The following ANKRD36 variants were observed in gnomAD, a reference collection of about 807,000 sequenced individuals.
ANKRD36 encodes the protein ankyrin repeat domain-containing protein 36A.
ANKRD36 carries 179 observed loss-of-function variants against 278.1 expected under a neutral mutation model. That is an observed-to-expected ratio of 0.64 (90% confidence interval 0.57 to 0.73). The LOEUF (loss-of-function observed/expected upper bound fraction) is 0.73, where lower values mean the gene tolerates loss of function less well. ANKRD36 is among the 30% of genes least tolerant of loss of function. The probability of loss-of-function intolerance (pLI) is 0.00; values close to 1 mark genes in which losing one functional copy is unlikely to be tolerated. For synonymous variants in ANKRD36, 320 were observed against 641.1 expected, an observed-to-expected ratio of 0.50 and a Z score of 7.57; for missense variants, 1,159 against 1,956.7, an observed-to-expected ratio of 0.59 and a Z score of 7.69.
intron 56 of ANKRD36, among the ~76,000 whole-genome samples, chr2:97,210,435 A>G (rs1310405438): frequency 6.6e-6 from 1 of 151,856 alleles, no homozygotes; most frequent in African/African-American, 2.4e-5. Context: ...GAATATTTTC[A>G]TTAAAAAATT....
At chr2:97,209,416 T>C (rs1181739372) in intron 54 of ANKRD36, among the ~76,000 whole-genome samples, 2 of 146,662 alleles carry the variant, frequency 1.4e-5, no homozygotes, top group Non-Finnish European at 3.0e-5. Context: ...CATATCCACA[T>C]TGAGATTGAC....
chr2:97,199,255 T>C (rs561390346), intron 44 of ANKRD36, among the ~76,000 whole-genome samples: 1 of 152,028 alleles, frequency 6.6e-6, no homozygotes, highest in Admixed American at 6.6e-5. Flanking sequence ...CTCCAGGAAC[T>C]ACTGGAAGCA....
rs2034259924 is a variant in ANKRD36 at position 97,113,812 on chromosome 2, C to T, written c.73C>T (p.Gln25Ter). 3 of 1,613,000 alleles carry T rather than the reference C, an allele frequency of 1.9e-6. No individual in the cohort carries two copies. Among genetic ancestry groups the T allele is most frequent in the Admixed American group, 1.7e-5 (1 of 59,924 alleles). The change falls in exon 1 of 76, where the codon CAA (glutamine) becomes TAA (stop). Residue 25 changes from glutamine to a stop codon, truncating the protein, a stop_gained. Transcript: ENST00000420699. LOFTEE classifies it high-confidence loss of function. ...GTGCTCGGATGGCTTCGCATTTCCCCAATACCCCATTAAACCGTATCATCT... is the reference window on the plus strand; with the variant it reads ...GTGCTCGGATGGCTTCGCATTTCCCTAATACCCCATTAAACCGTATCATCT... Reference protein sequence around the residue: ...RLCSDGFAFPQYPIKPYHLKR... With the variant: ...RLCSDGFAFP
chr2:97,202,390 A>G lies in ANKRD36; in HGVS notation c.2956A>G (p.Thr986Ala). 6.5e-7 allele frequency: 1 copy of G among 1,549,784 alleles called. No homozygotes were observed. The highest frequency in any genetic ancestry group is 8.7e-7 in the Non-Finnish European group (1 of 1,149,442). ...RENKDGEKSR[T>A]VSSEKPPGLK... ...AAACAAGGATGGAGAAAAATCTAGGACAGGTAATTTTGAAAACAGATTTAA... is the reference window on the plus strand; with the variant it reads ...AAACAAGGATGGAGAAAAATCTAGGGCAGGTAATTTTGAAAACAGATTTAA... The change falls in exon 48 of 76, where the codon ACA becomes GCA. Residue 986 changes from threonine (T) to alanine (A), a missense_variant. Thr to Ala is a moderately conservative substitution (Grantham distance 58). Transcript: ENST00000420699.
At chr2:97,174,434 T>C (rs1276674610) in intron 22 of ANKRD36, among the ~76,000 whole-genome samples, 2 of 151,590 alleles carry the variant, frequency 1.3e-5, no homozygotes, top group South Asian at 2.1e-4. Flanking sequence ...TTTGTTACCA[T>C]TGGGCACCAG....
intron 12 of ANKRD36, among the ~76,000 whole-genome samples, chr2:97,149,582 GA>G (rs772818052): frequency 6.8e-6 from 1 of 147,008 alleles, no homozygotes; most frequent in Non-Finnish European, 1.5e-5. Context: ...GGTGTGATCT[GA>G]AAAAAAATTG....
intron 22 of ANKRD36, among the ~76,000 whole-genome samples, chr2:97,174,071 T>C (rs1317733266): frequency 1.3e-5 from 2 of 151,130 alleles, no homozygotes; most frequent in East Asian, 3.9e-4. Context: ...GTCATATTGG[T>C]TGGTTATTTA....
At chr2:97,124,820 G>T (rs1192995432) in intron 5 of ANKRD36, among the ~76,000 whole-genome samples, 2 of 151,944 alleles carry the variant, frequency 1.3e-5, no homozygotes, top group Non-Finnish European at 2.9e-5. Flanking sequence ...GTAGGTGCAA[G>T]ATTCTTGATA....
intron 30 of ANKRD36, 45 bp from the exon 31 acceptor site, chr2:97,187,153 A>G (rs761031337): frequency 1.9e-6 from 3 of 1,607,240 alleles, no homozygotes; most frequent in Admixed American, 3.4e-5. Flanking sequence ...TGGAAAATGT[A>G]TCATATTTAC....
At chr2:97,202,088 A>G in intron 46 of ANKRD36, 114 bp from the exon 47 acceptor site, 4 of 1,560,168 alleles carry the variant, frequency 2.6e-6, no homozygotes. Flanking sequence ...GAAGCCATGA[A>G]GGCCTATGCT....
In ANKRD36 at chr2:97,117,179, T is replaced by G. The variant is rs1431825925; in HGVS notation, c.198-885T>G. Among the ~76,000 whole-genome samples the G allele has an allele frequency of 2.0e-5, 3 of 152,018 alleles. No homozygotes were observed. In the East Asian group the frequency reaches 5.8e-4, roughly 29 times the overall value. On this transcript the variant is annotated intron_variant, in intron 1 of 75. Transcript: ENST00000420699. ...AATCGTTGCAAATACCTAATTTACA[T>G]AACATTCTGTAAGTATTGAAAAAAA... is the stretch of plus-strand genomic sequence containing the variant.
At chr2:97,159,564 C>T (rs1394341901) in intron 17 of ANKRD36, among the ~76,000 whole-genome samples, 1 of 151,518 alleles carries the variant, frequency 6.6e-6, no homozygotes, top group African/African-American at 2.4e-5. Context: ...TAGGCTATAT[C>T]AGATTTTGAA....
chr2:97,150,582 T>A (rs1203367860), intron 12 of ANKRD36, among the ~76,000 whole-genome samples: 1 of 152,224 alleles, frequency 6.6e-6, no homozygotes, highest in African/African-American at 2.4e-5. Context: ...GTTTTGAATT[T>A]ATCTTTTTTT....
chr2:97,195,051 G>T, intron 40 of ANKRD36, 134 bp downstream of exon 40: 6 of 1,332,156 alleles, frequency 4.5e-6, no homozygotes, highest in Non-Finnish European at 6.1e-6. Flanking sequence ...TTTCTAATAA[G>T]TTCTTGGGTT....
At position 97,204,183 on chromosome 2, in the gene ANKRD36, C is replaced by A. The variant is rs764202408; in HGVS notation, c.2989-8C>A. On this transcript the variant is annotated splice_region_variant and splice_polypyrimidine_tract_variant and intron_variant, in intron 49 of 75. Coordinates refer to ENST00000420699, the MANE Select transcript of ANKRD36 (RefSeq NM_001354587.1). Reference sequence around the variant, plus strand: ...TTAATTTATTATTTCATTTCAAATTCCATTCAGGCTACAAGTGATGAGAAA... The same window carrying A: ...TTAATTTATTATTTCATTTCAAATTACATTCAGGCTACAAGTGATGAGAAA... 5 of 1,581,488 alleles carry A rather than the reference C, an allele frequency of 3.2e-6. No homozygotes were observed. Among genetic ancestry groups the A allele is most frequent in the Non-Finnish European group, 4.3e-6 (5 of 1,166,250 alleles).
At chr2:97,219,116 G>T (rs2066706847) in intron 65 of ANKRD36, 38 bp downstream of exon 65, 1 of 1,544,288 alleles carries the variant, frequency 6.5e-7, no homozygotes, top group East Asian at 2.5e-5. Context: ...ATTATTAACT[G>T]CATAACCTAT....
chr2:97,142,563 T>A, intron 6 of ANKRD36, 77 bp from the exon 7 acceptor site: 1 of 1,598,028 alleles, frequency 6.3e-7, no homozygotes. Flanking sequence ...TACAGCTTGA[T>A]GGTAACAGTG....
At chr2:97,175,805 A>C (rs969602258) in intron 22 of ANKRD36, among the ~76,000 whole-genome samples, 1 of 150,846 alleles carries the variant, frequency 6.6e-6, no homozygotes, top group African/African-American at 2.4e-5. Flanking sequence ...AATGTGTCCC[A>C]GAGATTCTGG....
intron 6 of ANKRD36, among the ~76,000 whole-genome samples, chr2:97,130,394 A>C (rs1415759808): frequency 6.8e-6 from 1 of 146,374 alleles, no homozygotes; most frequent in African/African-American, 2.5e-5. Flanking sequence ...GGAATTGAAC[A>C]ATGAGAACAC....
Sources: allele counts gnomAD v4.1 joint callset (sites outside exome capture counted in the v4.1 genomes callset), GRCh38; gene constraint gnomAD v4.1.1; transcripts MANE v1.5; gene names NCBI Gene and HGNC (gene_info 2026-07-23, HGNC 2026-07-21).